The following PDIA2 variants were observed in gnomAD, a reference collection of about 807,000 sequenced individuals.
PDIA2 encodes the protein protein disulfide isomerase family A member 2, also known as protein disulfide-isomerase A2.
A neutral mutation model predicts 51.1 loss-of-function variants in PDIA2; 76 were observed. The ratio of observed to expected loss-of-function variants is 1.49; its 90% CI spans 1.24 to 1.80. The LOEUF is 1.80. Among genes scored for constraint, PDIA2 ranks in the 40% most tolerant of loss-of-function variants. PDIA2 has a pLI of 0.00. For synonymous variants in PDIA2, 429 were observed against 309.9 expected, an observed-to-expected ratio of 1.38 and a Z score of -4.04; for missense variants, 946 against 706.5, an observed-to-expected ratio of 1.34 and a Z score of -3.84.
At position 285,177 on chromosome 16, in the gene PDIA2, C is replaced by G. The variant is rs1464156048; in HGVS notation, c.772C>G (p.Leu258Val). 1.2e-6 allele frequency: 2 copies of G among 1,612,854 alleles called. No individual in the cohort carries two copies. The highest frequency in any genetic ancestry group is 1.7e-6 in the Non-Finnish European group (2 of 1,179,992). The change falls in exon 5 of 11, where the codon CTG (leucine) becomes GTG (valine). Residue 258 changes from leucine to valine, a missense_variant. Physicochemically the swap from Leu to Val is conservative, Grantham distance 32. Transcript: ENST00000219406. ...CTTCCTGGTCACACACAGCATGCGC[C>G]TGGTCACGGAGTTCAACAGCCAGGT... ...SRFLVTHSMR[L>V]VTEFNSQTSA...
At position 285,111 on chromosome 16, in the gene PDIA2, G is replaced by T. The variant is rs770087656; in HGVS notation, c.706G>T (p.Val236Leu). Reference protein sequence around the residue: ...KFDEGRADFPVDEELGLDLGD... With the variant: ...KFDEGRADFPLDEELGLDLGD... ...TGATGAGGGGCGGGCAGACTTCCCCGTGGACGAGGAGCTTGGCCTGGACCT... is the reference window on the plus strand; with the variant it reads ...TGATGAGGGGCGGGCAGACTTCCCCTTGGACGAGGAGCTTGGCCTGGACCT... Residue 236 changes from valine to leucine, a missense_variant, in exon 5 of 11, where the codon GTG becomes TTG. By Grantham distance (32) the Val-to-Leu change is conservative. Coordinates refer to ENST00000219406, the MANE Select transcript of PDIA2 (RefSeq NM_006849.4). The T allele has an allele frequency of 6.2e-7, 1 of 1,613,038 alleles. No individual in the cohort carries two copies. Among genetic ancestry groups the T allele is most frequent in the Non-Finnish European group, 8.5e-7 (1 of 1,179,990 alleles).
intron 2 of PDIA2, 25 bp from the exon 3 acceptor site, chr16:284,634 C>G: frequency 1.2e-6 from 2 of 1,603,028 alleles, no homozygotes; most frequent in Non-Finnish European, 1.7e-6. Context: ...GTGGCCAGGC[C>G]GAGGCTGAGG....
At chr16:287,010 G>C in intron 10 of PDIA2, 59 bp from the exon 11 acceptor site, 1 of 1,612,306 alleles carries the variant, frequency 6.2e-7, no homozygotes, top group Non-Finnish European at 8.5e-7. Context: ...GGCTGGCAGG[G>C]GCGGGGGCAG....
In PDIA2 at chr16:285,667, T is replaced by A. The variant is rs568363430; in HGVS notation, c.1083T>A (p.Thr361=). The A allele has an allele frequency of 1.2e-6, 2 of 1,613,228 alleles. No individual in the cohort carries two copies. The highest frequency in any genetic ancestry group is 1.7e-5 in the Admixed American group (1 of 60,000). The stretch of plus-strand genomic sequence containing the variant: ...GCCCTGTCACCGCAGCGTCCATCAC[T>A]GCTTTCTGCCATGCAGTCCTCAACG... ...DGGPVTAASI[T]AFCHAVLNGQ... The change falls in exon 7 of 11, where the codon ACT becomes ACA. Residue 361 remains threonine (T), a synonymous_variant. Transcript: ENST00000219406.
chr16:284,301 C>G, intron 1 of PDIA2, 86 bp from the exon 2 acceptor site: 1 of 1,330,118 alleles, frequency 7.5e-7, no homozygotes, highest in Non-Finnish European at 1.0e-6. Flanking sequence ...TGGAGCAGCA[C>G]GCTTGTTCCC....
At chr16:285,765 G>C (rs2052348984) in intron 7 of PDIA2, 62 bp downstream of exon 7, 4 of 1,546,772 alleles carry the variant, frequency 2.6e-6, no homozygotes. Context: ...AGCTTGGCAG[G>C]GGGTGGGAAC....
Position 285,850 on chromosome 16 carries a change from C to A in PDIA2, c.1119+147C>A, listed in dbSNP as rs913709711. On this transcript the variant is annotated intron_variant, in intron 7 of 10. Coordinates refer to ENST00000219406, the MANE Select transcript of PDIA2 (RefSeq NM_006849.4). The stretch of plus-strand genomic sequence containing the variant: ...CAACCCGGCAATTCTCCCAACCCGG[C>A]GGTTCTCCCAACCCCAACCCGGCGG... The A allele has an allele frequency of 6.3e-6, 6 of 952,404 alleles. No homozygotes were observed. In the Admixed American group the frequency reaches 9.6e-5, roughly 15 times the overall value. The allele number at this position is 952,404 out of a possible 1,614,324, so 59.0% of individuals were successfully genotyped here.
chr16:284,712 A>G lies in PDIA2; in HGVS notation c.460A>G (p.Ser154Gly). 1 of 1,575,870 alleles carries G rather than the reference A, an allele frequency of 6.3e-7. No homozygotes were observed. The highest frequency in any genetic ancestry group is 8.6e-7 in the Non-Finnish European group (1 of 1,166,226). Residue 154 changes from serine to glycine, a missense_variant, in exon 3 of 11, where the codon AGT (serine) becomes GGT (glycine). Coordinates refer to ENST00000219406, the MANE Select transcript of PDIA2 (RefSeq NM_006849.4). ...GTGGCTGCGACGGCGGGTGGGGCCCAGTGCCATGCGGCTGGAGGACGAGGC... is the reference window on the plus strand; with the variant it reads ...GTGGCTGCGACGGCGGGTGGGGCCCGGTGCCATGCGGCTGGAGGACGAGGC... ...AEWLRRRVGP[S>G]AMRLEDEAAA...
intron 1 of PDIA2, 42 bp from the exon 2 acceptor site, chr16:284,345 G>C: frequency 1.3e-6 from 2 of 1,514,958 alleles, no homozygotes; most frequent in Admixed American, 2.0e-5. Context: ...GGGTGCTCCT[G>C]GGGTTGTGGT....
rs745414531 is a variant in PDIA2, at chr16:284,909, T to C, written c.572T>C (p.Leu191Ser). ...DLQDEDVATFLALAQDALDMT... is the reference protein window; with the variant it reads ...DLQDEDVATFSALAQDALDMT... ...CAGGACGAGGACGTGGCCACCTTCTTGGCCTTGGCCCAGGACGCCCTGGAC... is the reference window on the plus strand; with the variant it reads ...CAGGACGAGGACGTGGCCACCTTCTCGGCCTTGGCCCAGGACGCCCTGGAC... Residue 191 changes from leucine (L) to serine (S), a missense_variant, in exon 4 of 11, where the codon TTG (leucine) becomes TCG (serine). By Grantham distance (145) the Leu-to-Ser change is moderately radical. Transcript: ENST00000219406. 3 of 1,612,836 alleles carry C rather than the reference T, an allele frequency of 1.9e-6. No homozygotes were observed. The highest frequency in any genetic ancestry group is 2.5e-6 in the Non-Finnish European group (3 of 1,179,668).
rs375729524 is a variant in PDIA2 at position 284,872 on chromosome 16, C to A, written c.541-6C>A. The A allele has an allele frequency of 5.6e-6, 9 of 1,612,160 alleles. No individual in the cohort carries two copies. Among genetic ancestry groups the A allele is most frequent in the Non-Finnish European group, 7.6e-6 (9 of 1,179,568 alleles). On this transcript the variant is annotated splice_polypyrimidine_tract_variant and splice_region_variant and intron_variant, in intron 3 of 10. Coordinates refer to ENST00000219406, the MANE Select transcript of PDIA2 (RefSeq NM_006849.4). ...CCGGGTGGCCTCACAGGGCCAGGCC[C>A]CTCAGGACCTGCAGGACGAGGACGT...
chr16:284,861 A>G lies in PDIA2; in HGVS notation c.541-17A>G. 1 of 1,610,856 alleles carries G rather than the reference A, an allele frequency of 6.2e-7. No homozygotes were observed. Among genetic ancestry groups the G allele is most frequent in the Admixed American group, 1.7e-5 (1 of 59,888 alleles). On this transcript the variant is annotated splice_polypyrimidine_tract_variant and intron_variant, in intron 3 of 10. Transcript: ENST00000219406. ...TGTGGGTGGGACCGGGTGGCCTCAC[A>G]GGGCCAGGCCCCTCAGGACCTGCAG...
chr16:284,819 G>T, intron 3 of PDIA2, 27 bp downstream of exon 3: 1 of 1,594,106 alleles, frequency 6.3e-7, no homozygotes, highest in East Asian at 2.2e-5. Context: ...GGGGGGCCGG[G>T]CCATGAGGGC....
In PDIA2 at chr16:284,807, A is replaced by T. The variant is rs1207833494; in HGVS notation, c.540+15A>T. 6.3e-7 allele frequency: 1 copy of T among 1,585,958 alleles called. No individual in the cohort carries two copies. The highest frequency in any genetic ancestry group is 8.6e-7 in the Non-Finnish European group (1 of 1,168,144). On this transcript the variant is annotated intron_variant, in intron 3 of 10. Transcript: ENST00000219406. ...GCTTCTTCCAGGTGAGCCACTGGGC[A>T]TGGGGGGCCGGGCCATGAGGGCAGT...
Position 284,930 on chromosome 16 carries a change from T to A in PDIA2, c.593T>A (p.Leu198Gln). Reference protein sequence around the residue: ...ATFLALAQDALDMTFGLTDRP... With the variant: ...ATFLALAQDAQDMTFGLTDRP... ...TTCTTGGCCTTGGCCCAGGACGCCCTGGACATGACCTTTGGCCTCACAGAC... is the reference window on the plus strand; with the variant it reads ...TTCTTGGCCTTGGCCCAGGACGCCCAGGACATGACCTTTGGCCTCACAGAC... The change falls in exon 4 of 11, where the codon CTG (leucine) becomes CAG (glutamine). Residue 198 changes from leucine (L) to glutamine (Q), a missense_variant. Leu to Gln is a moderately radical substitution (Grantham distance 113). Coordinates refer to ENST00000219406, the MANE Select transcript of PDIA2 (RefSeq NM_006849.4). 1.2e-6 allele frequency: 2 copies of A among 1,613,272 alleles called. No individual in the cohort carries two copies. The highest frequency in any genetic ancestry group is 1.7e-6 in the Non-Finnish European group (2 of 1,179,968).
chr16:284,859 A>T lies in PDIA2; in HGVS notation c.541-19A>T. On this transcript the variant is annotated intron_variant, in intron 3 of 10. Transcript: ENST00000219406. ...ACTGTGGGTGGGACCGGGTGGCCTC[A>T]CAGGGCCAGGCCCCTCAGGACCTGC... 1.2e-6 allele frequency: 2 copies of T among 1,610,712 alleles called. No individual in the cohort carries two copies. The highest frequency in any genetic ancestry group is 2.2e-5 in the South Asian group (2 of 90,936).
rs367811188 is a variant in PDIA2, at chr16:286,724, C to A, written c.1411C>A (p.Pro471Thr). 1.9e-6 allele frequency: 3 copies of A among 1,612,860 alleles called. No homozygotes were observed. Among genetic ancestry groups the A allele is most frequent in the Non-Finnish European group, 2.5e-6 (3 of 1,179,958 alleles). Residue 471 changes from proline (P) to threonine (T), a missense_variant, in exon 9 of 11, where the codon CCA becomes ACA. Pro to Thr is a conservative substitution (Grantham distance 38). Transcript: ENST00000219406. ...FPTLKYFPAG[P>T]GRKVIEYKST... is the part of the protein sequence containing the mutation. ...TACTCTCAAGTACTTCCCAGCAGGG[C>A]CAGGTCGGAAGGTATGGCGGACAGG...
chr16:285,009 C>T lies in PDIA2; in HGVS notation c.672C>T (p.Phe224=), dbSNP rs192986117. ...FGLTKDTVVL[F]KKFDEGRADF... ...TCACCAAGGACACTGTGGTTCTCTT[C>T]AAGAAGGTAGGTCAGGCCCAGGTGT... Residue 224 remains phenylalanine, a synonymous_variant, in exon 4 of 11, where the codon TTC becomes TTT. Coordinates refer to ENST00000219406, the MANE Select transcript of PDIA2 (RefSeq NM_006849.4). 13 of 1,613,350 alleles carry T rather than the reference C, an allele frequency of 8.1e-6. No homozygotes were observed. Among genetic ancestry groups the T allele is most frequent in the Middle Eastern group, 1.6e-4 (1 of 6,062 alleles).
Position 285,449 on chromosome 16 carries a change from C to T in PDIA2, c.921+12C>T, listed in dbSNP as rs753333426. On this transcript the variant is annotated intron_variant, in intron 6 of 10. Transcript: ENST00000219406. ...GCTTCCGGGGGCAGGTACTGGGGGG[C>T]TGGGGGAAAGGGGCAGCGGGAGAGT... 8 of 1,434,748 alleles carry T rather than the reference C, an allele frequency of 5.6e-6. No individual in the cohort carries two copies. The South Asian group carries it at 6.8e-5, about 12-fold the overall frequency. 88.9% of individuals were successfully genotyped at this position (1,434,748 alleles called of 1,614,324 possible).
Sources: gnomAD v4.1 joint callset for allele counts on GRCh38, gnomAD v4.1.1 for gene constraint, MANE v1.5 for transcripts, NCBI Gene and HGNC (gene_info 2026-07-23, HGNC 2026-07-21) for gene names.